STOX2: variants seen among roughly 807,000 people sequenced by gnomAD.
STOX2 encodes the protein storkhead box 2.
A neutral mutation model predicts 60.9 loss-of-function variants in STOX2; 28 were observed. The observed-to-expected ratio is 0.46, with a 90% CI of 0.34 to 0.63. The LOEUF (loss-of-function observed/expected upper bound fraction) is 0.63, where lower values mean the gene tolerates loss of function less well. STOX2 is among the 30% of genes least tolerant of loss of function. STOX2 has a pLI of 0.01. For synonymous variants in STOX2, 472 were observed against 463.9 expected (o/e 1.02, Z -0.22); for missense variants, 1,024 against 1,187.7 (o/e 0.86, Z 2.03).
Position 184,010,283 on chromosome 4 carries a change from A to C in STOX2, c.1445A>C (p.Glu482Ala). Residue 482 changes from glutamate to alanine, a missense_variant, in exon 3 of 4, where the codon GAG (glutamate) becomes GCG (alanine). Glu to Ala is a moderately radical substitution (Grantham distance 107). Transcript: ENST00000308497. The surrounding 1 kb of genome is among the most constrained non-coding windows in gnomAD (Gnocchi z 4.5). The stretch of plus-strand genomic sequence containing the variant: ...ACACAGGACCGGAGGTCCAGGAATG[A>C]GAGATCCAACAAAGCCAAGGAGAGA... Reference protein sequence around the residue: ...SHTQDRRSRNERSNKAKERSR... With the variant: ...SHTQDRRSRNARSNKAKERSR... The C allele has an allele frequency of 6.3e-7, 1 of 1,588,312 alleles. No homozygotes were observed. The highest frequency in any genetic ancestry group is 8.6e-7 in the Non-Finnish European group (1 of 1,167,270).
Position 183,826,141 on chromosome 4 carries a change from T to C in STOX2, c.364+28086T>C, listed in dbSNP as rs76382638. On this transcript the variant is annotated intron_variant, in intron 1 of 2. Coordinates refer to the STOX2 transcript ENST00000513034. ...TGGGGCTGGGGACCTGCATTTCGTTTTCATTTCGCTCCTCAGATGATTCCA... is the reference window on the plus strand; with the variant it reads ...TGGGGCTGGGGACCTGCATTTCGTTCTCATTTCGCTCCTCAGATGATTCCA... 1.2e-4 allele frequency among the ~76,000 whole-genome samples: 18 copies of C among 152,206 alleles called. No individual in the cohort carries two copies. In the East Asian group the frequency reaches 3.5e-3, roughly 29 times the overall value.
chr4:184,010,067 G>T lies in STOX2; in HGVS notation c.1229G>T (p.Gly410Val). ...CDPLTRVPRE[G>V]CFIIEHKGDN... ...CCTCTTACCAGGGTGCCCAGGGAGGGCTGCTTCATCATTGAACACAAAGGA... is the reference window on the plus strand; with the variant it reads ...CCTCTTACCAGGGTGCCCAGGGAGGTCTGCTTCATCATTGAACACAAAGGA... The change falls in exon 3 of 4, where the codon GGC (glycine) becomes GTC (valine). Residue 410 changes from glycine to valine, a missense_variant. By Grantham distance (109) the Gly-to-Val change is moderately radical. Coordinates refer to ENST00000308497, the MANE Select transcript of STOX2 (RefSeq NM_020225.3). This position sits in a 1 kb window ranked among gnomAD's most constrained non-coding sequence, Gnocchi z 4.5. 1 of 1,612,732 alleles carries T rather than the reference G, an allele frequency of 6.2e-7. No individual in the cohort carries two copies. Among genetic ancestry groups the T allele is most frequent in the Non-Finnish European group, 8.5e-7 (1 of 1,179,390 alleles).
intron 3 of STOX2, chr4:184,016,130 G>A (rs778631419): frequency 1.3e-5 from 2 of 152,230 alleles, no homozygotes; most frequent in Non-Finnish European, 2.9e-5. Flanking sequence ...GGAGGCCAAG[G>A]CGGGCGGATT....
At chr4:183,886,744 A>C (rs1741093244) in intron 1 of STOX2, among the ~76,000 whole-genome samples, 1 of 152,118 alleles carries the variant, frequency 6.6e-6, no homozygotes, top group Admixed American at 6.5e-5. Context: ...TTCTTTTTGA[A>C]CAGCCATTCC....
rs552327189 is a variant in STOX2, at chr4:183,984,803, G to A, written c.167-16522G>A. 3.0e-4 allele frequency among the ~76,000 whole-genome samples: 45 copies of A among 152,294 alleles called. 1 individual carries two copies. In the South Asian group the frequency reaches 7.1e-3, roughly 24 times the overall value. On this transcript the variant is annotated intron_variant, in intron 1 of 3. Coordinates refer to ENST00000308497, the MANE Select transcript of STOX2 (RefSeq NM_020225.3). ...CTCTGCGGTCCTCTGTGTGATGTTCGTAAAGCTTTACTGTAACACCGAAGC... is the reference window on the plus strand; with the variant it reads ...CTCTGCGGTCCTCTGTGTGATGTTCATAAAGCTTTACTGTAACACCGAAGC...
Position 183,991,968 on chromosome 4 carries a change from A to G in STOX2, c.167-9357A>G, listed in dbSNP as rs149589618. ...ACCTAAAGTTTTGACTACAAAGCCC[A>G]TGGCTTTTAACACCATCTTGTAATG... On this transcript the variant is annotated intron_variant, in intron 1 of 3. Coordinates refer to ENST00000308497, the MANE Select transcript of STOX2 (RefSeq NM_020225.3). Among the ~76,000 whole-genome samples the G allele has an allele frequency of 1.3e-3, 198 of 152,356 alleles. 1 individual carries two copies. Among genetic ancestry groups the G allele is most frequent in the African/African-American group, 4.7e-3 (195 of 41,584 alleles).
intron 1 of STOX2, among the ~76,000 whole-genome samples, chr4:183,874,665 G>A (rs71622932): frequency 1.1e-4 from 17 of 151,636 alleles, no homozygotes; most frequent in African/African-American, 3.6e-4. Flanking sequence ...GGTGGCTCAC[G>A]CCTGTAATCC....
chr4:183,901,424 A>G (rs1477571248), upstream of STOX2, among the ~76,000 whole-genome samples: 2 of 152,120 alleles, frequency 1.3e-5, no homozygotes, highest in Non-Finnish European at 2.9e-5. Flanking sequence ...CTTTTCGGGT[A>G]TATCTAGAAG....
chr4:183,802,058 G>A (rs1738776155), intron 1 of STOX2, among the ~76,000 whole-genome samples: 1 of 152,178 alleles, frequency 6.6e-6, no homozygotes, highest in African/African-American at 2.4e-5. Flanking sequence ...GGGCCTTCTA[G>A]CCTCGGCCAC....
At chr4:183,929,287 A>G (rs1742341864) in intron 1 of STOX2, among the ~76,000 whole-genome samples, 1 of 152,210 alleles carries the variant, frequency 6.6e-6, no homozygotes, top group Non-Finnish European at 1.5e-5. Flanking sequence ...CTATCATTAA[A>G]TCAGATATTT....
intron 1 of STOX2, among the ~76,000 whole-genome samples, chr4:183,840,914 C>T (rs1244346338): frequency 6.6e-6 from 1 of 152,198 alleles, no homozygotes; most frequent in East Asian, 1.9e-4. Context: ...GTTGCCCAGG[C>T]TGGAGTGCTG....
chr4:183,993,352 A>G (rs1276978525), intron 1 of STOX2, among the ~76,000 whole-genome samples: 1 of 152,186 alleles, frequency 6.6e-6, no homozygotes, highest in Non-Finnish European at 1.5e-5. Context: ...TGGTCAGCAC[A>G]AAGGCCCGGG....
intron 1 of STOX2, among the ~76,000 whole-genome samples, chr4:183,814,485 T>C (rs938264195): frequency 2.6e-5 from 4 of 152,244 alleles, no homozygotes; most frequent in African/African-American, 9.6e-5. Flanking sequence ...TGTGTAATCT[T>C]GCTCAGCCAT....
At chr4:183,840,207 T>C (rs1172256312) in intron 1 of STOX2, among the ~76,000 whole-genome samples, 2 of 152,216 alleles carry the variant, frequency 1.3e-5, no homozygotes, top group Admixed American at 1.3e-4. Flanking sequence ...TGGAACGTTC[T>C]AATACCTTAT....
rs1295202987 is a variant in STOX2 at position 183,825,415 on chromosome 4, G to C, written c.364+27360G>C. 6.6e-6 allele frequency among the ~76,000 whole-genome samples: 1 copy of C among 150,484 alleles called. No individual in the cohort carries two copies. The highest frequency in any genetic ancestry group is 1.5e-5 in the Non-Finnish European group (1 of 68,024). ...CATCCCTCGTGTGGCGCGTGCTGCA[G>C]ATGGCAGCGGTCAGCTCGTGTCATC... On this transcript the variant is annotated intron_variant, in intron 1 of 2. Coordinates refer to the STOX2 transcript ENST00000513034. This position sits in a 1 kb window ranked among gnomAD's most constrained non-coding sequence, Gnocchi z 4.1.
intron 1 of STOX2, among the ~76,000 whole-genome samples, chr4:183,899,236 A>G (rs1219476931): frequency 2.6e-5 from 4 of 152,260 alleles, no homozygotes; most frequent in African/African-American, 9.6e-5. Flanking sequence ...CTCTGGCTCA[A>G]CAGTATTGAA....
chr4:183,843,803 C>T (rs1442977264), intron 1 of STOX2, among the ~76,000 whole-genome samples: 2 of 152,020 alleles, frequency 1.3e-5, no homozygotes, highest in African/African-American at 2.4e-5. Flanking sequence ...GGATGAGAAA[C>T]TCATCTTTAA....
chr4:183,976,382 C>A (rs1173126421), intron 1 of STOX2, among the ~76,000 whole-genome samples: 1 of 151,858 alleles, frequency 6.6e-6, no homozygotes, highest in Admixed American at 6.6e-5. Flanking sequence ...AAGAAAAAAA[C>A]CACACAATAA....
chr4:183,888,297 T>A (rs1477659559), intron 1 of STOX2, among the ~76,000 whole-genome samples: 1 of 152,196 alleles, frequency 6.6e-6, no homozygotes, highest in Non-Finnish European at 1.5e-5. Context: ...CAGGCATTGT[T>A]CTAAGCAGTT....
Sources: allele counts gnomAD v4.1 joint callset (sites outside exome capture counted in the v4.1 genomes callset), GRCh38; gene constraint gnomAD v4.1.1; non-coding constraint Gnocchi (gnomAD v3.1); transcripts MANE v1.5; gene names NCBI Gene and HGNC (gene_info 2026-07-23, HGNC 2026-07-21).